Variants in GRID2 observed in about 807,000 individuals in gnomAD.
The protein encoded by GRID2 is glutamate ionotropic receptor delta type subunit 2.
Under a neutral mutation model 114.8 loss-of-function variants are expected in GRID2, and 33 were observed. The observed-to-expected ratio is 0.29, with a 90% CI of 0.22 to 0.38. The LOEUF is 0.38. GRID2 is among the 10% of genes least tolerant of loss of function. The pLI, the probability that GRID2 is intolerant of heterozygous loss-of-function variation, is 1.00. For synonymous variants in GRID2, 505 were observed against 449.9 expected, an observed-to-expected ratio of 1.12 and a Z score of -1.55; for missense variants, 1,184 against 1,257.7, an observed-to-expected ratio of 0.94 and a Z score of 0.89.
At chr4:92,397,342 ATG>A (rs58085283) in intron 1 of GRID2, among the ~76,000 whole-genome samples, 26,915 of 142,392 alleles carry the variant, frequency 0.19, 2,652 homozygotes, top group Non-Finnish European at 0.26. Context: ...GTGTGTTTGT[ATG>A]TGTGTGTGTG....
chr4:92,655,664 T>C (rs1158270040), intron 2 of GRID2, among the ~76,000 whole-genome samples: 2 of 151,790 alleles, frequency 1.3e-5, no homozygotes, highest in Admixed American at 1.3e-4. Context: ...TTCTTGATTT[T>C]TTTTCATCTA....
At chr4:92,824,396 C>T (rs1435592877) in intron 2 of GRID2, among the ~76,000 whole-genome samples, 1 of 152,126 alleles carries the variant, frequency 6.6e-6, no homozygotes, top group East Asian at 1.9e-4. Context: ...GCAGTTTTTG[C>T]CAGCTATTCC....
intron 2 of GRID2, among the ~76,000 whole-genome samples, chr4:92,772,583 AT>A (rs1294295960): frequency 6.6e-6 from 1 of 152,160 alleles, no homozygotes. Flanking sequence ...CATATTGTAG[AT>A]ATTATCCCAT....
At chr4:93,393,168 A>T (rs1765012552) in intron 8 of GRID2, among the ~76,000 whole-genome samples, 1 of 152,018 alleles carries the variant, frequency 6.6e-6, no homozygotes, top group South Asian at 2.1e-4. Flanking sequence ...TCCCAAATTC[A>T]GTCTTTGAGC....
chr4:92,419,983 A>G (rs1300115156), intron 1 of GRID2, among the ~76,000 whole-genome samples: 4 of 152,150 alleles, frequency 2.6e-5, no homozygotes, highest in Non-Finnish European at 4.4e-5. Context: ...TCATTATTAT[A>G]AAGTATGATA....
exon 2 of GRID2, chr4:93,808,309 T>C (rs1178411419): frequency 6.6e-6 from 1 of 152,202 alleles, no homozygotes; most frequent in Non-Finnish European, 1.5e-5. Context: ...TACTTTCTGG[T>C]CTTTGGTGTC....
At chr4:92,632,735 A>AG (rs1257090698) in intron 2 of GRID2, among the ~76,000 whole-genome samples, 2 of 147,686 alleles carry the variant, frequency 1.4e-5, no homozygotes, top group Admixed American at 1.3e-4. Context: ...AAGGGAAGGA[A>AG]GGGAAGAAGT....
intron 10 of GRID2, among the ~76,000 whole-genome samples, chr4:93,435,711 C>A (rs1721017160): frequency 6.6e-6 from 1 of 152,120 alleles, no homozygotes; most frequent in African/African-American, 2.4e-5. Context: ...AATTTAAATA[C>A]CTTGCTCAAG....
intron 9 of GRID2, among the ~76,000 whole-genome samples, chr4:93,399,631 G>T (rs950678525): frequency 9.2e-5 from 14 of 152,106 alleles, no homozygotes; most frequent in Non-Finnish European, 1.3e-4. Flanking sequence ...AGAGCCATGG[G>T]AGAGAGACCA....
intron 2 of GRID2, among the ~76,000 whole-genome samples, chr4:92,917,761 T>C (rs1480570018): frequency 3.9e-5 from 6 of 152,318 alleles, no homozygotes; most frequent in East Asian, 1.9e-4. Flanking sequence ...ACCCTTGTAG[T>C]ATAGTTTGAA....
At chr4:93,346,814 A>C (rs934351501) in intron 8 of GRID2, among the ~76,000 whole-genome samples, 1 of 152,184 alleles carries the variant, frequency 6.6e-6, no homozygotes, top group Admixed American at 6.6e-5. Flanking sequence ...CTGGATTAAG[A>C]AAGCCTTGGG....
chr4:92,931,848 A>T (rs549101603), intron 2 of GRID2, among the ~76,000 whole-genome samples: 1 of 151,206 alleles, frequency 6.6e-6, no homozygotes, highest in Admixed American at 6.6e-5. Flanking sequence ...TTTGACAAAA[A>T]CACTCAGGCA....
intron 2 of GRID2, among the ~76,000 whole-genome samples, chr4:92,740,737 TA>T (rs879940732): frequency 9.1e-5 from 13 of 143,592 alleles, no homozygotes; most frequent in Admixed American, 3.4e-4. Context: ...GATAGATAGA[TA>T]GATGGATAGA....
intron 8 of GRID2, among the ~76,000 whole-genome samples, chr4:93,248,033 G>A (rs536425646): frequency 1.2e-4 from 18 of 152,122 alleles, no homozygotes; most frequent in African/African-American, 4.3e-4. Flanking sequence ...CTCTACTAGA[G>A]AGCATCAACA....
At position 92,356,318 on chromosome 4, in the gene GRID2, G is replaced by A. The variant is rs1323409222; in HGVS notation, c.88+51574G>A. ...TATTTTCTGGTTTTCTTATGTTAGA[G>A]TTCACTATTTTAAGTGCAAAACAAA... is the stretch of plus-strand genomic sequence containing the variant. On this transcript the variant is annotated intron_variant, in intron 1 of 15. Coordinates refer to ENST00000282020, the MANE Select transcript of GRID2 (RefSeq NM_001510.4). Among the ~76,000 whole-genome samples, 8 of 151,244 alleles carry A rather than the reference G, an allele frequency of 5.3e-5. No individual in the cohort carries two copies. In the Admixed American group the frequency reaches 5.3e-4, roughly 10 times the overall value.
At chr4:92,821,559 C>T (rs902717220) in intron 2 of GRID2, among the ~76,000 whole-genome samples, 14 of 151,942 alleles carry the variant, frequency 9.2e-5, no homozygotes, top group African/African-American at 3.1e-4. Flanking sequence ...GTTACATAAA[C>T]AGAAATTTAA....
intron 14 of GRID2, among the ~76,000 whole-genome samples, chr4:93,764,778 TAAC>T (rs1182558063): frequency 6.6e-6 from 1 of 152,202 alleles, no homozygotes; most frequent in African/African-American, 2.4e-5. Flanking sequence ...TCCCATAGAT[TAAC>T]AATAACCACA....
intron 2 of GRID2, among the ~76,000 whole-genome samples, chr4:92,660,648 A>G (rs1216419770): frequency 3.3e-5 from 5 of 151,242 alleles, no homozygotes; most frequent in Non-Finnish European, 7.4e-5. Context: ...TTACTTGCTC[A>G]TAGACACCTA....
intron 4 of GRID2, among the ~76,000 whole-genome samples, chr4:93,129,493 G>A (rs1734599048): frequency 6.6e-6 from 1 of 151,938 alleles, no homozygotes; most frequent in Non-Finnish European, 1.5e-5. Context: ...TGATCCACCT[G>A]CTCCAAATGT....
Sources: allele counts gnomAD v4.1 joint callset (sites outside exome capture counted in the v4.1 genomes callset), GRCh38; gene constraint gnomAD v4.1.1; transcripts MANE v1.5; gene names NCBI Gene and HGNC (gene_info 2026-07-23, HGNC 2026-07-21).